Variants in NXPE2 observed in about 807,000 individuals in gnomAD.
NXPE2 encodes NXPE family member 2.
In NXPE2, 34 loss-of-function variants were observed where a neutral mutation model predicts 34.4. The ratio of observed to expected loss-of-function variants is 0.99; its 90% CI spans 0.75 to 1.31. NXPE2 has a LOEUF of 1.31. NXPE2 is among the 40% of genes most tolerant of loss of function. The pLI is 0.00. For synonymous variants in NXPE2, 235 were observed against 231.3 expected, an observed-to-expected ratio of 1.02 and a Z score of -0.15; for missense variants, 649 against 672.5, an observed-to-expected ratio of 0.97 and a Z score of 0.39.
the NXPE2 span, among the ~76,000 whole-genome samples, chr11:114,648,902 C>T: frequency 4.0e-5 from 6 of 151,712 alleles, no homozygotes; most frequent in East Asian, 1.9e-4. Flanking sequence ...TACTATGATA[C>T]GAAGTCAATA....
At chr11:114,472,074 T>C in the NXPE2 span, among the ~76,000 whole-genome samples, 1 of 152,152 alleles carries the variant, frequency 6.6e-6, no homozygotes, top group African/African-American at 2.4e-5. Context: ...CAATAAAAGG[T>C]GATGCTAAAC....
chr11:114,641,388 G>A, the NXPE2 span, among the ~76,000 whole-genome samples: 6 of 152,110 alleles, frequency 3.9e-5, no homozygotes, highest in South Asian at 1.2e-3. Flanking sequence ...AGTCACAAAG[G>A]AAATCTCAGC....
chr11:114,662,455 G>T, the NXPE2 span, among the ~76,000 whole-genome samples: 1 of 152,156 alleles, frequency 6.6e-6, no homozygotes, highest in Non-Finnish European at 1.5e-5. Context: ...AAACTTGAAA[G>T]ACAGTCTAGG....
chr11:114,530,644 G>A, the NXPE2 span: 12 of 1,614,052 alleles, frequency 7.4e-6, no homozygotes, highest in East Asian at 1.6e-4. Flanking sequence ...CTCACCTCCA[G>A]TAGGATGTCC....
At chr11:114,464,788 A>T in the NXPE2 span, among the ~76,000 whole-genome samples, 2 of 152,164 alleles carry the variant, frequency 1.3e-5, no homozygotes, top group Non-Finnish European at 2.9e-5. Flanking sequence ...CTAGGCGAAG[A>T]TAATTGCAAA....
the NXPE2 span, among the ~76,000 whole-genome samples, chr11:114,628,292 T>C: frequency 1.3e-5 from 2 of 151,300 alleles, no homozygotes; most frequent in African/African-American, 4.9e-5. Context: ...TCAGAAAATG[T>C]AAAAGAACAG....
chr11:114,601,612 AT>A, the NXPE2 span, among the ~76,000 whole-genome samples: 2 of 2,082 alleles, frequency 9.6e-4, no homozygotes, highest in Non-Finnish European at 2.7e-3. Flanking sequence ...ATTATATATA[AT>A]TATATATTAT....
chr11:114,669,207 A>C, the NXPE2 span, among the ~76,000 whole-genome samples: 2 of 152,152 alleles, frequency 1.3e-5, no homozygotes, highest in Non-Finnish European at 2.9e-5. Flanking sequence ...CAATGATTTA[A>C]AGTCTTTGGA....
chr11:114,529,111 T>C, the NXPE2 span: 7 of 301,038 alleles, frequency 2.3e-5, no homozygotes, highest in Non-Finnish European at 3.6e-5. Flanking sequence ...AAAAAGACTC[T>C]AAACTTGACT....
the NXPE2 span, among the ~76,000 whole-genome samples, chr11:114,548,430 C>A: frequency 6.6e-6 from 1 of 151,834 alleles, no homozygotes; most frequent in African/African-American, 2.4e-5. Context: ...ATGAAGAAAA[C>A]CTCAATAAAT....
chr11:114,780,597 G>A, the NXPE2 span, among the ~76,000 whole-genome samples: 2 of 152,226 alleles, frequency 1.3e-5, no homozygotes, highest in Non-Finnish European at 2.9e-5. Context: ...GCCCAGCAGG[G>A]AAGTGGCCCT....
At chr11:114,574,327 C>A in the NXPE2 span, among the ~76,000 whole-genome samples, 2 of 151,328 alleles carry the variant, frequency 1.3e-5, no homozygotes, top group Admixed American at 1.3e-4. Flanking sequence ...AATCCAAACC[C>A]AAACCTGGCA....
chr11:114,477,469 A>G, the NXPE2 span, among the ~76,000 whole-genome samples: 1 of 152,186 alleles, frequency 6.6e-6, no homozygotes, highest in African/African-American at 2.4e-5. Context: ...CACTGTAAAT[A>G]TGCATAATTT....
the NXPE2 span, among the ~76,000 whole-genome samples, chr11:114,558,098 A>G: frequency 4.6e-5 from 7 of 152,036 alleles, no homozygotes; most frequent in African/African-American, 1.4e-4. Flanking sequence ...TAGCTTTTCT[A>G]GTTGCTCTCA....
At chr11:114,498,393 G>A in the NXPE2 span, among the ~76,000 whole-genome samples, 1 of 152,062 alleles carries the variant, frequency 6.6e-6, no homozygotes, top group Non-Finnish European at 1.5e-5. Flanking sequence ...GACATTGTAT[G>A]CTTGTATCAG....
At chr11:114,569,235 G>C in the NXPE2 span, among the ~76,000 whole-genome samples, 1 of 152,110 alleles carries the variant, frequency 6.6e-6, no homozygotes, top group Non-Finnish European at 1.5e-5. Context: ...CAAACTGCTT[G>C]ACAATAATCA....
the NXPE2 span, among the ~76,000 whole-genome samples, chr11:114,491,392 A>G: frequency 6.6e-6 from 1 of 152,132 alleles, no homozygotes; most frequent in African/African-American, 2.4e-5. Flanking sequence ...TTATGCAGCC[A>G]AAAACACATG....
chr11:114,793,985 A>G, the NXPE2 span, among the ~76,000 whole-genome samples: 2 of 152,156 alleles, frequency 1.3e-5, no homozygotes, highest in Non-Finnish European at 2.9e-5. Flanking sequence ...CAAGTGCTAT[A>G]GTCCTACACA....
chr11:114,614,313 G>T, the NXPE2 span, among the ~76,000 whole-genome samples: 1 of 150,672 alleles, frequency 6.6e-6, no homozygotes, highest in Admixed American at 6.6e-5. Context: ...GTATTGCCTC[G>T]TAGGTAACCA....
Sources: allele counts gnomAD v4.1 joint callset (sites outside exome capture counted in the v4.1 genomes callset), GRCh38; gene constraint gnomAD v4.1.1; transcripts MANE v1.5; gene names NCBI Gene and HGNC (gene_info 2026-07-23, HGNC 2026-07-21).